Variants in VWA3B observed in about 807,000 individuals in gnomAD.
VWA3B encodes von Willebrand factor A domain-containing protein 3B.
Under a neutral mutation model 158.3 loss-of-function variants are expected in VWA3B, and 138 were observed. The observed-to-expected ratio is 0.87, with a 90% CI of 0.76 to 1.00. The LOEUF (loss-of-function observed/expected upper bound fraction) is 1.00. Among genes scored for constraint, VWA3B ranks in the 50% least tolerant of loss-of-function variants. VWA3B has a pLI of 0.00. For synonymous variants in VWA3B, 596 were observed against 587.3 expected (o/e 1.01, Z -0.21); for missense variants, 1,555 against 1,565.1 (o/e 0.99, Z 0.11).
chr2:98,236,746 A>G lies in VWA3B; in HGVS notation c.2673+16A>G, dbSNP rs368848888. On this transcript the variant is annotated intron_variant, in intron 19 of 27. Coordinates refer to ENST00000477737, the MANE Select transcript of VWA3B (RefSeq NM_144992.5). ...CTTTGATGAGGTAAACTGATTGTCT[A>G]TACGTCCCTACTTGAGGCCATTTTC... is the stretch of plus-strand genomic sequence containing the variant. 41 of 1,595,970 alleles carry G rather than the reference A, an allele frequency of 2.6e-5. No individual in the cohort carries two copies. The highest frequency in any genetic ancestry group is 6.7e-5 in the East Asian group (3 of 44,650).
At chr2:98,242,950 A>G (rs1686172808) in intron 19 of VWA3B, among the ~76,000 whole-genome samples, 3 of 151,838 alleles carry the variant, frequency 2.0e-5, no homozygotes, top group Admixed American at 1.3e-4. Context: ...AAAAATTTAA[A>G]ACAGTTATCA....
At chr2:98,220,905 G>A (rs1042872821) in intron 14 of VWA3B, among the ~76,000 whole-genome samples, 1 of 152,098 alleles carries the variant, frequency 6.6e-6, no homozygotes, top group African/African-American at 2.4e-5. Flanking sequence ...TCACTTATAA[G>A]TGGGAGCCGA....
intron 7 of VWA3B, among the ~76,000 whole-genome samples, chr2:98,158,494 C>T (rs1678284979): frequency 6.6e-6 from 1 of 152,206 alleles, no homozygotes; most frequent in Admixed American, 6.5e-5. Context: ...CAAGGTCATG[C>T]ACAGAATGAT....
chr2:98,135,252 A>G (rs1371472910), intron 7 of VWA3B, among the ~76,000 whole-genome samples: 1 of 151,964 alleles, frequency 6.6e-6, no homozygotes, highest in Non-Finnish European at 1.5e-5. Context: ...TACAAACTGC[A>G]TAGCTTACAT....
chr2:98,264,952 T>G (rs1170718028), intron 21 of VWA3B, among the ~76,000 whole-genome samples: 1 of 152,118 alleles, frequency 6.6e-6, no homozygotes, highest in Non-Finnish European at 1.5e-5. Flanking sequence ...ATTTTAACAA[T>G]TAAGTCTTTC....
chr2:98,324,717 T>C, the VWA3B span, among the ~76,000 whole-genome samples: 1 of 152,156 alleles, frequency 6.6e-6, no homozygotes, highest in African/African-American at 2.4e-5. Flanking sequence ...GAAAATGTGA[T>C]CTCCCAGTTT....
At chr2:98,159,457 C>T (rs1809092) in intron 7 of VWA3B, among the ~76,000 whole-genome samples, 17,799 of 151,922 alleles carry the variant, frequency 0.12, 1,102 homozygotes, top group South Asian at 0.13. Context: ...CCATGTTAGC[C>T]AGGCTGGTCT....
At chr2:98,203,100 G>A (rs1262479051) in intron 12 of VWA3B, among the ~76,000 whole-genome samples, 1 of 152,148 alleles carries the variant, frequency 6.6e-6, no homozygotes, top group Non-Finnish European at 1.5e-5. Flanking sequence ...CAAAGTGCTG[G>A]GATTACAGGC....
chr2:98,305,750 G>A (rs906779321), intron 26 of VWA3B, among the ~76,000 whole-genome samples: 1 of 152,052 alleles, frequency 6.6e-6, no homozygotes, highest in Non-Finnish European at 1.5e-5. Context: ...TTGGTCTCCA[G>A]GTTGCAGGCA....
At chr2:98,151,337 T>C (rs1677614392) in intron 7 of VWA3B, among the ~76,000 whole-genome samples, 1 of 152,180 alleles carries the variant, frequency 6.6e-6, no homozygotes, top group African/African-American at 2.4e-5. Flanking sequence ...GTCTCTTACC[T>C]TTAGTGATCC....
chr2:98,323,005 C>T, the VWA3B span, among the ~76,000 whole-genome samples: 1 of 151,952 alleles, frequency 6.6e-6, no homozygotes, highest in Non-Finnish European at 1.5e-5. Flanking sequence ...CAAGAAAAAC[C>T]CTTAAGAACA....
At position 98,274,791 on chromosome 2, in the gene VWA3B, C is replaced by T. The variant is rs372422004; in HGVS notation, c.3045+3908C>T. ...CGTAAAAGACCAAAATCCGGTGCAG[C>T]GCTCCCCTTGAGAGGTGTTGAGTCC... On this transcript the variant is annotated intron_variant, in intron 22 of 27. Coordinates refer to ENST00000477737, the MANE Select transcript of VWA3B (RefSeq NM_144992.5). 6.3e-4 allele frequency among the ~76,000 whole-genome samples: 96 copies of T among 152,276 alleles called. No homozygotes were observed. In the Middle Eastern group the frequency reaches 0.014, roughly 22 times the overall value.
intron 7 of VWA3B, among the ~76,000 whole-genome samples, chr2:98,158,317 A>G (rs9973945): frequency 0.33 from 50,459 of 151,956 alleles, 10,525 homozygotes; most frequent in East Asian, 0.64. Flanking sequence ...CAGCCGGTGC[A>G]CACACACACA....
chr2:98,236,060 A>T (rs1358084025), intron 17 of VWA3B, among the ~76,000 whole-genome samples: 2 of 152,200 alleles, frequency 1.3e-5, no homozygotes, highest in South Asian at 2.1e-4. Context: ...AATTTGGGGG[A>T]GTCCAAAAGG....
chr2:98,270,520 C>T (rs1438804062), intron 21 of VWA3B, among the ~76,000 whole-genome samples, 162 bp from the exon 22 acceptor site: 1 of 152,220 alleles, frequency 6.6e-6, no homozygotes, highest in African/African-American at 2.4e-5. Context: ...GAGCAGAGGG[C>T]ATGGCTATGA....
intron 21 of VWA3B, among the ~76,000 whole-genome samples, chr2:98,259,629 C>T (rs552287903): frequency 1.3e-5 from 2 of 151,546 alleles, no homozygotes; most frequent in African/African-American, 4.8e-5. Flanking sequence ...TGTGTTTTTT[C>T]CTTTTAGTCA....
chr2:98,141,072 G>A lies in VWA3B; in HGVS notation c.988+7133G>A, dbSNP rs116160856. 9.5e-3 allele frequency among the ~76,000 whole-genome samples: 1,448 copies of A among 152,284 alleles called. 13 individuals carry two copies. Among genetic ancestry groups the A allele is most frequent in the Admixed American group, 0.016 (245 of 15,290 alleles). On this transcript the variant is annotated intron_variant, in intron 7 of 27. Transcript: ENST00000477737. ...TGGACAGTCCTCCTACCCAACTTCCGGAAGCCTTTTAAACATGGCAGCCGC... is the reference window on the plus strand; with the variant it reads ...TGGACAGTCCTCCTACCCAACTTCCAGAAGCCTTTTAAACATGGCAGCCGC...
intron 22 of VWA3B, among the ~76,000 whole-genome samples, chr2:98,271,548 C>T (rs1308997717): frequency 6.6e-6 from 1 of 151,986 alleles, no homozygotes; most frequent in Non-Finnish European, 1.5e-5. Flanking sequence ...ATTTCATAGA[C>T]TTTCTCTGTG....
chr2:98,239,457 T>C (rs1574168344), intron 19 of VWA3B, among the ~76,000 whole-genome samples: 1 of 152,252 alleles, frequency 6.6e-6, no homozygotes, highest in South Asian at 2.1e-4. Flanking sequence ...GGTGGTACTT[T>C]CCCCTTCCCT....
Sources: gnomAD v4.1 joint callset for allele counts (sites outside exome capture counted in the v4.1 genomes callset) on GRCh38, gnomAD v4.1.1 for gene constraint, MANE v1.5 for transcripts, NCBI Gene and HGNC (gene_info 2026-07-23, HGNC 2026-07-21) for gene names.